Variants in HIVEP3 observed in about 807,000 individuals in gnomAD.
HIVEP3 encodes transcription factor HIVEP3.
In HIVEP3, 49 loss-of-function variants were observed where a neutral mutation model predicts 152.8. The observed-to-expected ratio is 0.32, with a 90% CI of 0.26 to 0.41. The LOEUF is 0.41. Ranked by LOEUF, HIVEP3 falls within the 10% of genes least tolerant of loss-of-function variation. The pLI is 1.00. For synonymous variants in HIVEP3, 1,269 were observed against 1,289.0 expected (o/e 0.98, Z 0.33); for missense variants, 2,790 against 3,103.3 (o/e 0.90, Z 2.40).
intron 1 of HIVEP3, among the ~76,000 whole-genome samples, chr1:41,998,027 A>C (rs1218460895): frequency 6.6e-6 from 1 of 152,200 alleles, no homozygotes; most frequent in African/African-American, 2.4e-5. Context: ...TAAATTGTCA[A>C]ACTTAGAGAA....
At chr1:41,750,389 G>A (rs1647140913) in intron 1 of HIVEP3, among the ~76,000 whole-genome samples, 1 of 152,214 alleles carries the variant, frequency 6.6e-6, no homozygotes, top group Non-Finnish European at 1.5e-5. Flanking sequence ...AATTCCATTA[G>A]TTGATTCTCT....
intron 3 of HIVEP3, among the ~76,000 whole-genome samples, chr1:41,618,140 C>T (rs1263834409): frequency 6.6e-6 from 1 of 152,200 alleles, no homozygotes; most frequent in African/African-American, 2.4e-5. Context: ...GCCATGGACA[C>T]AATGCTCAAT....
intron 1 of HIVEP3, among the ~76,000 whole-genome samples, chr1:41,844,047 C>T (rs1484226988): frequency 1.3e-5 from 2 of 152,196 alleles, no homozygotes; most frequent in Admixed American, 1.3e-4. Flanking sequence ...ACCAATGACA[C>T]ACTCCCTCCT....
chr1:41,652,611 A>G (rs10890159), intron 2 of HIVEP3, among the ~76,000 whole-genome samples: 92,040 of 151,982 alleles, frequency 0.61, 28,373 homozygotes, highest in East Asian at 0.98. Flanking sequence ...AAGCTGGGAC[A>G]AGGAGTCAGG....
chr1:41,991,781 A>T (rs1570874226), intron 1 of HIVEP3, among the ~76,000 whole-genome samples: 1 of 140,700 alleles, frequency 7.1e-6, no homozygotes, highest in Admixed American at 7.1e-5. Context: ...CCAGCAGCAC[A>T]TCAAAAAGCT....
At chr1:41,523,352 A>G (rs777961830) in intron 6 of HIVEP3, among the ~76,000 whole-genome samples, 1 of 152,166 alleles carries the variant, frequency 6.6e-6, no homozygotes, top group Non-Finnish European at 1.5e-5. Context: ...GACATTGTTT[A>G]TGAGACACCA....
At chr1:41,924,254 CT>C (rs1265106235) in intron 1 of HIVEP3, among the ~76,000 whole-genome samples, 46 of 152,244 alleles carry the variant, frequency 3.0e-4, no homozygotes, top group Admixed American at 2.9e-3. Context: ...GGATTCTCCC[CT>C]GAGCCTCCGG....
intron 1 of HIVEP3, among the ~76,000 whole-genome samples, chr1:41,705,699 C>T (rs1646422966): frequency 6.6e-6 from 1 of 152,172 alleles, no homozygotes; most frequent in Non-Finnish European, 1.5e-5. Flanking sequence ...AGACAGAATG[C>T]TTTTGAAAGG....
intron 1 of HIVEP3, among the ~76,000 whole-genome samples, chr1:41,900,593 T>C (rs1436442930): frequency 1.3e-5 from 2 of 151,894 alleles, no homozygotes; most frequent in African/African-American, 4.8e-5. Context: ...CTCCCTGTGC[T>C]CCCACCTAGA....
chr1:41,590,942 C>T (rs1644578853), intron 3 of HIVEP3, among the ~76,000 whole-genome samples: 1 of 152,224 alleles, frequency 6.6e-6, no homozygotes, highest in East Asian at 1.9e-4. Context: ...CTAATCTGGA[C>T]ACCCCTCTAA....
chr1:41,771,022 G>A (rs1394232781), intron 1 of HIVEP3, among the ~76,000 whole-genome samples: 1 of 152,018 alleles, frequency 6.6e-6, no homozygotes, highest in Non-Finnish European at 1.5e-5. Context: ...ATGGTTTGTG[G>A]CCCTCTAAAG....
intron 2 of HIVEP3, among the ~76,000 whole-genome samples, chr1:41,646,345 T>G (rs28650432): frequency 3.9e-4 from 59 of 152,280 alleles, no homozygotes; most frequent in African/African-American, 1.4e-3. Flanking sequence ...TCCAGACCCT[T>G]CAGCATGCGG....
At chr1:41,733,190 C>T (rs1646867361) in intron 1 of HIVEP3, among the ~76,000 whole-genome samples, 1 of 152,120 alleles carries the variant, frequency 6.6e-6, no homozygotes, top group African/African-American at 2.4e-5. Flanking sequence ...GGGCAACACT[C>T]CATATGGGGC....
intron 1 of HIVEP3, among the ~76,000 whole-genome samples, chr1:41,882,846 A>C (rs1032201016): frequency 6.6e-6 from 1 of 152,210 alleles, no homozygotes; most frequent in African/African-American, 2.4e-5. Flanking sequence ...TTGCTGTTAG[A>C]GTTCAGGAGT....
intron 2 of HIVEP3, among the ~76,000 whole-genome samples, chr1:41,674,606 G>A (rs1024672878): frequency 6.6e-6 from 1 of 152,170 alleles, no homozygotes; most frequent in Non-Finnish European, 1.5e-5. Context: ...AGATCTGCCC[G>A]TCGATGGGTT....
intron 5 of HIVEP3, among the ~76,000 whole-genome samples, chr1:41,574,364 T>C (rs1448567036): frequency 1.3e-5 from 2 of 152,096 alleles, no homozygotes; most frequent in African/African-American, 2.4e-5. Flanking sequence ...GTTCAGTGTT[T>C]TTTCAACGCA....
chr1:41,696,740 A>G (rs939520421), intron 2 of HIVEP3, among the ~76,000 whole-genome samples: 2 of 152,136 alleles, frequency 1.3e-5, no homozygotes, highest in Non-Finnish European at 2.9e-5. Context: ...TGTAGAGTAT[A>G]ATCCTAATTT....
upstream of HIVEP3, among the ~76,000 whole-genome samples, chr1:41,923,653 C>G (rs986073228): frequency 2.0e-5 from 3 of 152,120 alleles, no homozygotes; most frequent in African/African-American, 7.2e-5. Context: ...TTTAAACGTT[C>G]TCACCACAAA....
intron 1 of HIVEP3, among the ~76,000 whole-genome samples, chr1:42,007,901 T>G (rs1645469623): frequency 6.6e-6 from 1 of 152,158 alleles, no homozygotes; most frequent in African/African-American, 2.4e-5. Flanking sequence ...AGGTAACATA[T>G]CTGTTTCTCC....
Sources: allele counts gnomAD v4.1 joint callset (sites outside exome capture counted in the v4.1 genomes callset), GRCh38; gene constraint gnomAD v4.1.1; transcripts MANE v1.5; gene names NCBI Gene and HGNC (gene_info 2026-07-23, HGNC 2026-07-21).